Variants in DCTD observed in about 807,000 individuals in gnomAD.
The protein encoded by DCTD is dCMP deaminase, also known as deoxycytidylate deaminase.
DCTD carries 23 observed loss-of-function variants against 21.0 expected under a neutral mutation model. That is an observed-to-expected ratio of 1.09 (90% CI 0.79 to 1.55). The LOEUF is 1.55. Ranked by LOEUF, DCTD falls within the 40% of genes most tolerant of loss-of-function variation. The pLI, the probability that DCTD is intolerant of heterozygous loss-of-function variation, is 0.00. For missense variants in DCTD, 224 were observed against 230.0 expected (o/e 0.97, Z 0.17); for synonymous variants, 71 against 81.1 (o/e 0.88, Z 0.67).
chr4:182,895,877 C>T (rs1291926889), intron 3 of DCTD, among the ~76,000 whole-genome samples: 2 of 152,206 alleles, frequency 1.3e-5, no homozygotes, highest in African/African-American at 2.4e-5. Flanking sequence ...AGCAATTCCC[C>T]GGGTGATTCC....
chr4:182,892,944 G>C, intron 5 of DCTD, 87 bp downstream of exon 5: 2 of 773,638 alleles, frequency 2.6e-6, no homozygotes, highest in Non-Finnish European at 4.5e-6. Context: ...TGGAAGTCAG[G>C]CATCACAAGG....
intron 3 of DCTD, among the ~76,000 whole-genome samples, chr4:182,895,891 G>A (rs72687804): frequency 0.14 from 21,579 of 152,196 alleles, 2,966 homozygotes; most frequent in African/African-American, 0.36. Context: ...TGATTCCAAC[G>A]TGCAGACAAG....
At chr4:182,903,308 C>T (rs1023775692) in intron 3 of DCTD, among the ~76,000 whole-genome samples, 2 of 152,198 alleles carry the variant, frequency 1.3e-5, no homozygotes, top group Non-Finnish European at 2.9e-5. Context: ...GACAGCCTAC[C>T]TGTCCTTGGC....
At chr4:182,913,639 C>T (rs1016486744) in intron 3 of DCTD, among the ~76,000 whole-genome samples, 1 of 152,238 alleles carries the variant, frequency 6.6e-6, no homozygotes, top group Non-Finnish European at 1.5e-5. Flanking sequence ...CCTGAAGACA[C>T]AATCTTTCCC....
Position 182,915,029 on chromosome 4 carries a change from G to C in DCTD, c.138C>G (p.Asn46Lys). ...CATTGTACCCAATCCCGACAATCTT[G>C]TTTTCTGAATTCACGATGCAGGCGC... ...QVGACIVNSE[N>K]KIVGIGYNGM... Residue 46 changes from asparagine to lysine, a missense_variant, in exon 3 of 6, where the codon AAC becomes AAG. By Grantham distance (94) the Asn-to-Lys change is moderately conservative (BLOSUM62 0). Transcript: ENST00000438320. 1 of 1,614,218 alleles carries C rather than the reference G, an allele frequency of 6.2e-7. No homozygotes were observed. Among genetic ancestry groups the C allele is most frequent in the Non-Finnish European group, 8.5e-7 (1 of 1,180,042 alleles).
Position 182,914,914 on chromosome 4 carries a change from T to C in DCTD, c.244+9A>G, listed in dbSNP as rs1738418455. The C allele has an allele frequency of 1.6e-5, 26 of 1,614,048 alleles. No individual in the cohort carries two copies. Among genetic ancestry groups the C allele is most frequent in the Non-Finnish European group, 2.2e-5 (26 of 1,180,036 alleles). ...CACTAAGCAGAATGGGACATAAAAC[T>C]TGCCCTACCGTACGGGTATTTGGTG... On this transcript the variant is annotated intron_variant, in intron 3 of 5. Transcript: ENST00000438320.
At chr4:182,916,645 C>T (rs550400509) in intron 1 of DCTD, 34 of 1,004,898 alleles carry the variant, frequency 3.4e-5, no homozygotes, top group Non-Finnish European at 4.1e-5. Context: ...CAGGAAAAGA[C>T]AGGTGCTGAA....
Position 182,899,796 on chromosome 4 carries a change from CT to C in DCTD, c.245-5192del, listed in dbSNP as rs543314321. Among the ~76,000 whole-genome samples the C allele has an allele frequency of 3.3e-5, 5 of 152,328 alleles. No individual in the cohort carries two copies. In the South Asian group the frequency reaches 1.0e-3, roughly 32 times the overall value. On this transcript the variant is annotated intron_variant, in intron 3 of 5. Transcript: ENST00000438320. ...CTGGTGTCTAGCCATAACTGCCCAT[CT>C]TCTCCCCAGGCCTTTTCTTTTGGGT...
chr4:182,912,920 C>A (rs950283786), intron 3 of DCTD, among the ~76,000 whole-genome samples: 3 of 152,178 alleles, frequency 2.0e-5, no homozygotes, highest in African/African-American at 7.2e-5. Flanking sequence ...GTATGACGGA[C>A]CGCCATCCCC....
chr4:182,898,447 A>G (rs1735136741), intron 3 of DCTD, among the ~76,000 whole-genome samples: 1 of 152,232 alleles, frequency 6.6e-6, no homozygotes, highest in South Asian at 2.1e-4. Flanking sequence ...AGCTAACTAA[A>G]TAAAAGCAAT....
chr4:182,915,718 A>C, intron 1 of DCTD, 143 bp from the exon 2 acceptor site: 4 of 762,940 alleles, frequency 5.2e-6, no homozygotes, highest in Non-Finnish European at 8.6e-6. Context: ...ATCACAGCAC[A>C]TGGGCCCTAA....
intron 1 of DCTD, chr4:182,916,510 G>T (rs1738760154): frequency 1.8e-5 from 18 of 985,688 alleles, no homozygotes; most frequent in Non-Finnish European, 2.0e-5. Context: ...ACTTTATTTA[G>T]GCATCTGCTA....
At chr4:182,898,372 G>A (rs1735120481) in intron 3 of DCTD, among the ~76,000 whole-genome samples, 1 of 152,238 alleles carries the variant, frequency 6.6e-6, no homozygotes, top group African/African-American at 2.4e-5. Flanking sequence ...GATGACCTTC[G>A]ACAGGGTGGC....
intron 4 of DCTD, 78 bp downstream of exon 4, chr4:182,894,411 G>T: frequency 1.2e-6 from 1 of 832,750 alleles, no homozygotes; most frequent in Non-Finnish European, 2.1e-6. Flanking sequence ...AGCAATTTAA[G>T]ATCAAACACA....
chr4:182,893,960 A>G (rs1171439178), intron 4 of DCTD, among the ~76,000 whole-genome samples: 2 of 152,278 alleles, frequency 1.3e-5, no homozygotes, highest in Non-Finnish European at 2.9e-5. Flanking sequence ...GACAGTTTGA[A>G]AAAGGCGAAA....
At position 182,915,089 on chromosome 4, in the gene DCTD, C is replaced by T. The variant is rs72553966; in HGVS notation, c.109-31G>A. ...AGGAAACATGCCCAAAGGCTTGGTGCCTGCAACTGGCTGGTCTGCCGCTGT... is the reference window on the plus strand; with the variant it reads ...AGGAAACATGCCCAAAGGCTTGGTGTCTGCAACTGGCTGGTCTGCCGCTGT... On this transcript the variant is annotated intron_variant, in intron 2 of 5. Coordinates refer to ENST00000438320, the MANE Select transcript of DCTD (RefSeq NM_001921.3). The T allele has an allele frequency of 1.3e-5, 21 of 1,613,890 alleles. No homozygotes were observed. The African/African-American group carries it at 2.4e-4, about 18-fold the overall frequency.
rs751459371 is a variant in DCTD, at chr4:182,894,530, A to G, written c.320T>C (p.Leu107Ser). The part of the protein sequence containing the change: ...DVKGCSMYVA[L>S]FPCNECAKLI... ...CTTAGCGCATTCATTACAAGGGAACAAGGCAACATACATACTACAGCCTTT... is the reference window on the plus strand; with the variant it reads ...CTTAGCGCATTCATTACAAGGGAACGAGGCAACATACATACTACAGCCTTT... Residue 107 changes from leucine (L) to serine (S), a missense_variant, in exon 4 of 6, where the codon TTG becomes TCG. Physicochemically the swap from Leu to Ser is moderately radical, Grantham distance 145. Coordinates refer to ENST00000438320, the MANE Select transcript of DCTD (RefSeq NM_001921.3). 11 of 1,613,964 alleles carry G rather than the reference A, an allele frequency of 6.8e-6. No individual in the cohort carries two copies. The highest frequency in any genetic ancestry group is 1.1e-5 in the South Asian group (1 of 91,076).
chr4:182,892,762 A>G (rs1734024292), intron 5 of DCTD, among the ~76,000 whole-genome samples: 1 of 152,268 alleles, frequency 6.6e-6, no homozygotes, highest in Non-Finnish European at 1.5e-5. Flanking sequence ...TGAATGTTTA[A>G]ACTTCTCAGT....
intron 3 of DCTD, among the ~76,000 whole-genome samples, chr4:182,896,844 G>A (rs1484433837): frequency 1.3e-5 from 2 of 152,188 alleles, no homozygotes; most frequent in African/African-American, 4.8e-5. Flanking sequence ...CATAATGGGT[G>A]TTAAATATTT....
Sources: gnomAD v4.1 joint callset for allele counts (sites outside exome capture counted in the v4.1 genomes callset) on GRCh38, gnomAD v4.1.1 for gene constraint, MANE v1.5 for transcripts, NCBI Gene and HGNC (gene_info 2026-07-23, HGNC 2026-07-21) for gene names.